The following SMARCC1 variants were observed in gnomAD, a reference collection of about 807,000 sequenced individuals.
SMARCC1 encodes the protein SWI/SNF related BAF chromatin remodeling complex subunit C1, also known as SWI/SNF complex subunit SMARCC1.
A neutral mutation model predicts 147.4 loss-of-function variants in SMARCC1; 43 were observed. The ratio of observed to expected loss-of-function variants is 0.29; its 90% CI spans 0.23 to 0.38. SMARCC1 has a LOEUF of 0.38. SMARCC1 is among the 10% of genes least tolerant of loss of function. The pLI is 1.00. For missense variants in SMARCC1, 1,119 were observed against 1,381.1 expected (o/e 0.81, Z 3.01); for synonymous variants, 495 against 484.4 (o/e 1.02, Z -0.29).
At position 47,781,588 on chromosome 3, in the gene SMARCC1, G is replaced by A. The variant is rs774763715; in HGVS notation, c.195+15C>T. On this transcript the variant is annotated intron_variant, in intron 1 of 27. Transcript: ENST00000254480. ...GTCGCGTGGTCTCCCGGCCCCCACG[G>A]GCGCGCGAACCCACCTTCTTGTAGT... 5.3e-6 allele frequency: 8 copies of A among 1,510,922 alleles called. No individual in the cohort carries two copies. The highest frequency in any genetic ancestry group is 7.1e-6 in the Non-Finnish European group (8 of 1,133,802). 93.6% of individuals were successfully genotyped at this position (1,510,922 alleles called of 1,614,324 possible).
chr3:47,726,170 G>A (rs1014306410), intron 6 of SMARCC1, among the ~76,000 whole-genome samples: 1 of 151,358 alleles, frequency 6.6e-6, no homozygotes, highest in Non-Finnish European at 1.5e-5. Context: ...GAGGTGGGAG[G>A]ACTGCTTGAT....
chr3:47,733,376 G>C (rs1215206982), intron 5 of SMARCC1, among the ~76,000 whole-genome samples: 1 of 151,266 alleles, frequency 6.6e-6, no homozygotes, highest in African/African-American at 2.4e-5. Flanking sequence ...GAGGCCAGGA[G>C]CTTGAGGCGA....
chr3:47,780,419 C>T (rs1050305849), intron 1 of SMARCC1, among the ~76,000 whole-genome samples: 9 of 151,944 alleles, frequency 5.9e-5, no homozygotes, highest in Admixed American at 4.6e-4. Context: ...GATCCACCCG[C>T]CCGGCCTTCC....
chr3:47,766,951 G>A (rs544028562), intron 2 of SMARCC1, among the ~76,000 whole-genome samples: 8 of 152,136 alleles, frequency 5.3e-5, no homozygotes, highest in East Asian at 2.0e-4. Context: ...TTGGGAAGCC[G>A]AGGCATGCGG....
intron 26 of SMARCC1, among the ~76,000 whole-genome samples, chr3:47,597,962 G>C (rs1201011195): frequency 2.6e-5 from 4 of 152,300 alleles, no homozygotes; most frequent in African/African-American, 9.6e-5. Flanking sequence ...AAATACAGAG[G>C]TATCGGTGAA....
intron 25 of SMARCC1, among the ~76,000 whole-genome samples, chr3:47,613,317 T>G (rs1237349409): frequency 3.3e-5 from 5 of 152,168 alleles, no homozygotes; most frequent in African/African-American, 1.2e-4. Flanking sequence ...TTTAAAATGT[T>G]CTGAAAGATA....
chr3:47,626,150 G>A lies in SMARCC1; in HGVS notation c.2647-3809C>T, dbSNP rs193228360. Among the ~76,000 whole-genome samples the A allele has an allele frequency of 9.2e-5, 14 of 151,778 alleles. No homozygotes were observed. The East Asian group carries it at 9.7e-4, about 10-fold the overall frequency. Reference sequence around the variant, plus strand: ...AGCCTGGGTGACAGAGCGAGGCCCCGTCCTTTTTTTTTTTGAGACAGAGTC... The same window carrying A: ...AGCCTGGGTGACAGAGCGAGGCCCCATCCTTTTTTTTTTTGAGACAGAGTC... On this transcript the variant is annotated intron_variant, in intron 24 of 27. Coordinates refer to ENST00000254480, the MANE Select transcript of SMARCC1 (RefSeq NM_003074.4).
chr3:47,668,751 G>A (rs2033455462), intron 19 of SMARCC1, among the ~76,000 whole-genome samples: 1 of 152,034 alleles, frequency 6.6e-6, no homozygotes, highest in Non-Finnish European at 1.5e-5. Flanking sequence ...CAGGCATGGT[G>A]GTGCACACCT....
intron 1 of SMARCC1, among the ~76,000 whole-genome samples, chr3:47,778,297 T>G (rs993201597): frequency 6.6e-6 from 1 of 151,800 alleles, no homozygotes; most frequent in Non-Finnish European, 1.5e-5. Context: ...TTGTTTTTGT[T>G]TTTTGTTTTG....
chr3:47,763,804 A>C (rs2034803488), intron 2 of SMARCC1, among the ~76,000 whole-genome samples: 1 of 151,592 alleles, frequency 6.6e-6, no homozygotes, highest in African/African-American at 2.4e-5. Context: ...CTGCAGCCTC[A>C]ACCTCCTGGG....
chr3:47,756,848 AC>A (rs1224042559), intron 2 of SMARCC1, among the ~76,000 whole-genome samples: 1 of 152,134 alleles, frequency 6.6e-6, no homozygotes, highest in East Asian at 1.9e-4. Context: ...ACAAGTACAA[AC>A]CTCTGCTCAT....
At chr3:47,664,257 A>C (rs2033392299) in intron 19 of SMARCC1, among the ~76,000 whole-genome samples, 1 of 152,130 alleles carries the variant, frequency 6.6e-6, no homozygotes, top group Non-Finnish European at 1.5e-5. Flanking sequence ...AAGAATGTAT[A>C]AGAGCAACAG....
chr3:47,745,036 G>A (rs111482621), intron 3 of SMARCC1, among the ~76,000 whole-genome samples: 1,903 of 152,276 alleles, frequency 0.012, 43 homozygotes, highest in African/African-American at 0.043. Context: ...GGAAGGTCAA[G>A]GCAGGTAGAT....
chr3:47,663,865 C>T (rs763715936), intron 19 of SMARCC1: 41 of 1,536,052 alleles, frequency 2.7e-5, no homozygotes, highest in Middle Eastern at 1.7e-4. Context: ...CCTGGATCGC[C>T]GCCCAGGGTT....
At chr3:47,756,041 G>A (rs1331855421) in intron 2 of SMARCC1, among the ~76,000 whole-genome samples, 2 of 136,514 alleles carry the variant, frequency 1.5e-5, no homozygotes, top group South Asian at 2.4e-4. Flanking sequence ...GGTGGCGGGC[G>A]CCTATAATCC....
intron 25 of SMARCC1, among the ~76,000 whole-genome samples, chr3:47,618,842 G>C (rs1251576828): frequency 6.6e-6 from 1 of 152,126 alleles, no homozygotes; most frequent in Non-Finnish European, 1.5e-5. Context: ...TGCCAAACTA[G>C]ATATATTCTG....
intron 5 of SMARCC1, among the ~76,000 whole-genome samples, chr3:47,733,283 G>A (rs1205291594): frequency 5.9e-5 from 9 of 151,968 alleles, no homozygotes; most frequent in Non-Finnish European, 1.2e-4. Flanking sequence ...GGCGGCTGCG[G>A]GGTGGTGCTG....
chr3:47,743,063 C>T (rs1047061280), intron 3 of SMARCC1, among the ~76,000 whole-genome samples: 3 of 152,050 alleles, frequency 2.0e-5, no homozygotes, highest in Non-Finnish European at 4.4e-5. Flanking sequence ...TAGTGCTTGC[C>T]GTAATAACAA....
chr3:47,596,871 T>C (rs1367963894), intron 26 of SMARCC1, among the ~76,000 whole-genome samples: 1 of 151,782 alleles, frequency 6.6e-6, no homozygotes, highest in Non-Finnish European at 1.5e-5. Flanking sequence ...GCAAGTTCCT[T>C]CTTTTTTTTT....
Sources: allele counts gnomAD v4.1 joint callset (sites outside exome capture counted in the v4.1 genomes callset), GRCh38; gene constraint gnomAD v4.1.1; transcripts MANE v1.5; gene names NCBI Gene and HGNC (gene_info 2026-07-23, HGNC 2026-07-21).